The following KLHL32 variants were observed in gnomAD, a reference collection of about 807,000 sequenced individuals.
KLHL32 encodes kelch-like protein 32.
KLHL32 carries 35 observed loss-of-function variants against 64.8 expected under a neutral mutation model. That is an observed-to-expected ratio of 0.54 (90% CI 0.41 to 0.72). KLHL32 has a LOEUF of 0.72. Among genes scored for constraint, KLHL32 ranks in the 30% least tolerant of loss-of-function variants. The pLI is 0.00. For missense variants in KLHL32, 589 were observed against 768.5 expected (o/e 0.77, Z 2.76); for synonymous variants, 259 against 281.0 (o/e 0.92, Z 0.78).
intron 3 of KLHL32, among the ~76,000 whole-genome samples, chr6:97,016,588 C>T (rs1207864013): frequency 6.6e-6 from 1 of 152,146 alleles, no homozygotes; most frequent in African/African-American, 2.4e-5. Context: ...AGGGACTTTC[C>T]TTGTCTTAGA....
At chr6:97,020,096 C>A (rs932076520) in intron 3 of KLHL32, among the ~76,000 whole-genome samples, 4 of 152,000 alleles carry the variant, frequency 2.6e-5, no homozygotes, top group Non-Finnish European at 4.4e-5. Flanking sequence ...GTGCCAGCCA[C>A]CGTGCCAGGC....
rs140318874 is a variant in KLHL32, at chr6:97,073,776, C to G, written c.411+9050C>G. On this transcript the variant is annotated intron_variant, in intron 5 of 10. Transcript: ENST00000369261. ...TTTTTCCTTACTGGGAGAATGCTAT[C>G]CATGTGTCTCATTTCCCTCCAGCTG... is the stretch of plus-strand genomic sequence containing the variant. Among the ~76,000 whole-genome samples, 141 of 152,232 alleles carry G rather than the reference C, an allele frequency of 9.3e-4. 1 individual carries two copies. Among genetic ancestry groups the G allele is most frequent in the African/African-American group, 3.2e-3 (134 of 41,532 alleles).
intron 1 of KLHL32, among the ~76,000 whole-genome samples, chr6:96,943,609 G>A (rs966750754): frequency 6.6e-6 from 1 of 152,234 alleles, no homozygotes; most frequent in Non-Finnish European, 1.5e-5. Flanking sequence ...TAGTAGCAGA[G>A]CCGGGACCAG....
At chr6:96,951,168 C>G (rs1162277109) in intron 1 of KLHL32, among the ~76,000 whole-genome samples, 2 of 151,902 alleles carry the variant, frequency 1.3e-5, no homozygotes, top group Non-Finnish European at 2.9e-5. Flanking sequence ...CACATGGTCT[C>G]GGTTTGATGA....
intron 3 of KLHL32, among the ~76,000 whole-genome samples, chr6:96,994,257 T>A (rs1778192225): frequency 6.6e-6 from 1 of 152,236 alleles, no homozygotes. Flanking sequence ...CCTGTCTTAG[T>A]AATTTGTGCC....
intron 1 of KLHL32, among the ~76,000 whole-genome samples, chr6:96,943,527 T>A (rs62413865): frequency 6.6e-6 from 1 of 152,212 alleles, no homozygotes; most frequent in African/African-American, 2.4e-5. Flanking sequence ...ACTGATTTAA[T>A]TGGATTCCTC....
chr6:97,139,107 TTCC>T lies in KLHL32; in HGVS notation c.1702-11_1702-9del. ...ATCTTTGATACACAAGCTTCTTCTC[TTCC>T]TCTTTTGTAGGTACTGGATGTAAGC... On this transcript the variant is annotated splice_polypyrimidine_tract_variant and intron_variant, in intron 10 of 10. Transcript: ENST00000369261. The T allele has an allele frequency of 6.2e-7, 1 of 1,602,722 alleles. No homozygotes were observed. Among genetic ancestry groups the T allele is most frequent in the Non-Finnish European group, 8.5e-7 (1 of 1,176,402 alleles).
At chr6:96,931,850 C>A (rs897346285) in intron 1 of KLHL32, among the ~76,000 whole-genome samples, 2 of 151,926 alleles carry the variant, frequency 1.3e-5, no homozygotes, top group Non-Finnish European at 2.9e-5. Context: ...GCATCACATT[C>A]ACAGACCAGC....
At chr6:96,941,424 A>T (rs996003612) in intron 1 of KLHL32, among the ~76,000 whole-genome samples, 1 of 152,192 alleles carries the variant, frequency 6.6e-6, no homozygotes, top group Non-Finnish European at 1.5e-5. Context: ...TATTTTCTGA[A>T]AAACCTGTTG....
rs182132961 is a variant in KLHL32 at position 97,095,269 on chromosome 6, C to A, written c.627+9928C>A. 9.1e-4 allele frequency among the ~76,000 whole-genome samples: 139 copies of A among 152,258 alleles called. 1 individual carries two copies. The highest frequency in any genetic ancestry group is 5.1e-4 in the Non-Finnish European group (35 of 68,014). On this transcript the variant is annotated intron_variant, in intron 6 of 10. Coordinates refer to ENST00000369261, the MANE Select transcript of KLHL32 (RefSeq NM_052904.4). ...GACTGTAATCAATTTCTCATTCTGC[C>A]CACTGCTGGGACTATGTACTCTTTG...
chr6:97,034,352 A>G (rs1446316117), intron 3 of KLHL32, among the ~76,000 whole-genome samples: 1 of 151,814 alleles, frequency 6.6e-6, no homozygotes, highest in Admixed American at 6.6e-5. Context: ...TTTCTGGGAT[A>G]TTCTGTTTGT....
intron 7 of KLHL32, among the ~76,000 whole-genome samples, chr6:97,118,290 C>A (rs1227437038): frequency 6.6e-6 from 1 of 152,104 alleles, no homozygotes; most frequent in Admixed American, 6.5e-5. Flanking sequence ...ATTGCCTTAT[C>A]TTTTTGCAGA....
At chr6:96,924,087 G>A (rs1050099817), upstream of KLHL32, among the ~76,000 whole-genome samples, 1 of 152,166 alleles carries the variant, frequency 6.6e-6, no homozygotes, top group Non-Finnish European at 1.5e-5. Context: ...CACCTCTGGC[G>A]GGTTGGTTCC....
intron 3 of KLHL32, among the ~76,000 whole-genome samples, chr6:96,986,746 C>T (rs2128057723): frequency 6.6e-6 from 1 of 152,320 alleles, no homozygotes. Flanking sequence ...GTGGGAGTGA[C>T]CCGATTTTCC....
upstream of KLHL32, among the ~76,000 whole-genome samples, chr6:96,923,565 C>A (rs977695472): frequency 6.6e-6 from 1 of 152,108 alleles, no homozygotes; most frequent in African/African-American, 2.4e-5. Flanking sequence ...AGGGAGCAAA[C>A]GAATAAACCC....
chr6:97,111,457 T>C (rs993912985), intron 6 of KLHL32, among the ~76,000 whole-genome samples: 1 of 152,150 alleles, frequency 6.6e-6, no homozygotes, highest in Non-Finnish European at 1.5e-5. Flanking sequence ...TAAACTTCAC[T>C]CACTCGAACC....
At chr6:96,966,702 T>C (rs1475825357) in intron 1 of KLHL32, among the ~76,000 whole-genome samples, 1 of 152,252 alleles carries the variant, frequency 6.6e-6, no homozygotes, top group Admixed American at 6.5e-5. Flanking sequence ...ATTTCTTTCC[T>C]TTGGCCATTC....
At chr6:97,091,981 C>CTTT (rs11340950) in intron 6 of KLHL32, among the ~76,000 whole-genome samples, 81 of 132,294 alleles carry the variant, frequency 6.1e-4, no homozygotes, top group Non-Finnish European at 7.4e-4. Context: ...CTCTTTCTTT[C>CTTT]TTTTTTTTTT....
At chr6:96,954,388 C>G (rs963236511) in intron 1 of KLHL32, among the ~76,000 whole-genome samples, 3 of 127,920 alleles carry the variant, frequency 2.3e-5, no homozygotes, top group Non-Finnish European at 3.1e-5. Context: ...GATATTCACT[C>G]ATATTAAAGA....
Sources: gnomAD v4.1 joint callset for allele counts (sites outside exome capture counted in the v4.1 genomes callset) on GRCh38, gnomAD v4.1.1 for gene constraint, MANE v1.5 for transcripts, NCBI Gene and HGNC (gene_info 2026-07-23, HGNC 2026-07-21) for gene names.